The following CILK1 variants were observed in gnomAD, a reference collection of about 807,000 sequenced individuals.
CILK1 encodes the protein ciliogenesis associated kinase 1.
In CILK1, 47 loss-of-function variants were observed where a neutral mutation model predicts 79.2. That is an observed-to-expected ratio of 0.59 (90% CI 0.47 to 0.76). The LOEUF (loss-of-function observed/expected upper bound fraction) is 0.76. Ranked by LOEUF, CILK1 falls within the 30% of genes least tolerant of loss-of-function variation. The probability of loss-of-function intolerance (pLI) is 0.00; values close to 1 mark genes in which losing one functional copy is unlikely to be tolerated. For missense variants in CILK1, 660 were observed against 769.5 expected, an observed-to-expected ratio of 0.86 and a Z score of 1.68; for synonymous variants, 266 against 275.9, an observed-to-expected ratio of 0.96 and a Z score of 0.36.
chr6:53,027,886 G>A (rs927808842), intron 5 of CILK1, among the ~76,000 whole-genome samples: 3 of 152,184 alleles, frequency 2.0e-5, no homozygotes, highest in Admixed American at 6.5e-5. Context: ...AGTGGCTCAT[G>A]CCTGTAATCC....
intron 1 of CILK1, among the ~76,000 whole-genome samples, chr6:53,044,811 C>A (rs222451): frequency 6.6e-6 from 1 of 152,074 alleles, no homozygotes; most frequent in South Asian, 2.1e-4. Context: ...TAGCAAATGA[C>A]GACACAGGAA....
In CILK1 at chr6:53,003,888, T is replaced by A. The variant is rs887860859; in HGVS notation, c.*1261A>T. On this transcript the variant is annotated 3_prime_UTR_variant, in exon 14 of 14. Coordinates refer to ENST00000676107, the MANE Select transcript of CILK1 (RefSeq NM_014920.5). ...TTCCCTCTTGCCTTTAAGGCAACCA[T>A]AAGTGAGGCAAATGTACCATATAGA... 6 of 152,634 alleles carry A rather than the reference T, an allele frequency of 3.9e-5. No homozygotes were observed. The highest frequency in any genetic ancestry group is 1.4e-4 in the African/African-American group (6 of 41,444). The allele number at this position is 152,634 out of a possible 1,614,324, so 9.5% of individuals were successfully genotyped here. A position where few individuals can be genotyped will look rare whatever the true frequency, so the allele number is the denominator to read the frequency against.
rs763926746 is a variant in CILK1, at chr6:53,019,359, C to G, written c.359G>C (p.Gly120Ala). The change falls in exon 6 of 14, where the codon GGC becomes GCC. Residue 120 changes from glycine (G) to alanine (A), a missense_variant and splice_region_variant. Coordinates refer to ENST00000676107, the MANE Select transcript of CILK1 (RefSeq NM_014920.5). Reference protein sequence around the residue: ...LQGLAFIHKHGFFHRDLKPEN... With the variant: ...LQGLAFIHKHAFFHRDLKPEN... ...AGGCTTTAAGTCTCGATGAAAGAAG[C>G]CTATAGAGACAGTAGAGGAGAAGAA... The G allele has an allele frequency of 1.2e-6, 2 of 1,613,948 alleles. No individual in the cohort carries two copies. Among genetic ancestry groups the G allele is most frequent in the Middle Eastern group, 1.6e-4 (1 of 6,062 alleles).
Position 53,002,725 on chromosome 6 carries a change from T to C in CILK1, c.*2424A>G, listed in dbSNP as rs1764000012. 1 of 152,290 alleles carries C rather than the reference T, an allele frequency of 6.6e-6. No individual in the cohort carries two copies. Among genetic ancestry groups the C allele is most frequent in the African/African-American group, 2.4e-5 (1 of 41,566 alleles). The allele number at this position is 152,290 out of a possible 1,614,324, so 9.4% of individuals were successfully genotyped here. ...TTTTTTTTATGAATATGTGTTTGGCTTCCCCAGGGAAGTTGCTTGCTGGTA... is the reference window on the plus strand; with the variant it reads ...TTTTTTTTATGAATATGTGTTTGGCCTCCCCAGGGAAGTTGCTTGCTGGTA... On this transcript the variant is annotated 3_prime_UTR_variant, in exon 14 of 14. Coordinates refer to ENST00000676107, the MANE Select transcript of CILK1 (RefSeq NM_014920.5).
intron 1 of CILK1, chr6:53,051,846 G>C (rs1344365825): frequency 2.6e-5 from 4 of 152,210 alleles, no homozygotes; most frequent in Non-Finnish European, 5.9e-5. Flanking sequence ...AAAGTTGGGT[G>C]TTTTAGAAAT....
rs1218121156 is a variant in CILK1, at chr6:53,016,250, T to C, written c.664A>G (p.Thr222Ala). 1 of 1,613,992 alleles carries C rather than the reference T, an allele frequency of 6.2e-7. No individual in the cohort carries two copies. Among genetic ancestry groups the C allele is most frequent in the African/African-American group, 1.3e-5 (1 of 75,040 alleles). Residue 222 changes from threonine to alanine, a missense_variant and splice_region_variant, in exon 8 of 14, where the codon ACT becomes GCT. Thr to Ala is a moderately conservative substitution (Grantham distance 58). Coordinates refer to ENST00000676107, the MANE Select transcript of CILK1 (RefSeq NM_014920.5). Reference sequence around the variant, plus strand: ...AGTTGATAGCCTTCAGGCCAGTCAGTCTGAAAGAAGGAAAAGATAGAAAAT... The same window carrying C: ...AGTTGATAGCCTTCAGGCCAGTCAGCCTGAAAGAAGGAAAAGATAGAAAAT... ...ICQVLGTPKK[T>A]DWPEGYQLSS...
At chr6:53,026,597 A>C (rs535965801) in intron 5 of CILK1, among the ~76,000 whole-genome samples, 1 of 152,310 alleles carries the variant, frequency 6.6e-6, no homozygotes, top group Non-Finnish European at 1.5e-5. Flanking sequence ...TGCTAATAAG[A>C]ATTACATCTG....
At chr6:53,039,638 G>A (rs1001731613) in intron 2 of CILK1, among the ~76,000 whole-genome samples, 2 of 152,222 alleles carry the variant, frequency 1.3e-5, no homozygotes, top group African/African-American at 4.8e-5. Flanking sequence ...CACTTGGGAT[G>A]GGGTGCTGGC....
At chr6:53,038,629 T>G (rs1156523463) in intron 2 of CILK1, among the ~76,000 whole-genome samples, 2 of 152,324 alleles carry the variant, frequency 1.3e-5, no homozygotes, top group South Asian at 2.1e-4. Context: ...AAAAGAAGAA[T>G]AATATTTCAC....
intron 1 of CILK1, among the ~76,000 whole-genome samples, chr6:53,042,645 A>T (rs1450160359): frequency 1.3e-5 from 2 of 152,232 alleles, no homozygotes; most frequent in Non-Finnish European, 2.9e-5. Flanking sequence ...TATATAATTC[A>T]GTCTGCCTAT....
At position 53,011,805 on chromosome 6, in the gene CILK1, T is replaced by G; in HGVS notation, c.1456A>C (p.Lys486Gln). 2 of 1,614,170 alleles carry G rather than the reference T, an allele frequency of 1.2e-6. No homozygotes were observed. Reference sequence around the variant, plus strand: ...CGAGAGTGCTTCAAATAGTGCTGCTTGGCTGCAGATCTCAGGGTGGGCGTG... The same window carrying G: ...CGAGAGTGCTTCAAATAGTGCTGCTGGGCTGCAGATCTCAGGGTGGGCGTG... ...RDTPTLRSAA[K>Q]QHYLKHSRYL... is the part of the protein sequence containing the mutation. Residue 486 changes from lysine to glutamine, a missense_variant, in exon 11 of 14, where the codon AAG becomes CAG. By Grantham distance (53) the Lys-to-Gln change is moderately conservative. Transcript: ENST00000676107.
chr6:53,053,828 G>T (rs1172640075), intron 1 of CILK1, among the ~76,000 whole-genome samples: 6 of 152,154 alleles, frequency 3.9e-5, no homozygotes, highest in Admixed American at 3.9e-4. Flanking sequence ...TGAGGGACTG[G>T]TTCCAGTTTC....
At chr6:53,011,986 T>A (rs1045626536) in intron 10 of CILK1, 51 bp downstream of exon 10, 2 of 1,613,660 alleles carry the variant, frequency 1.2e-6, no homozygotes, top group African/African-American at 1.3e-5. Flanking sequence ...GTACCCATAA[T>A]CTCATGAATT....
At position 53,016,346 on chromosome 6, in the gene CILK1, G is replaced by A. The variant is rs77963044; in HGVS notation, c.664-96C>T. 5.9e-5 allele frequency: 70 copies of A among 1,183,970 alleles called. No individual in the cohort carries two copies. The East Asian group carries it at 1.7e-3, about 28-fold the overall frequency. The allele number at this position is 1,183,970 out of a possible 1,614,324, so 73.3% of individuals were successfully genotyped here. A position where few individuals can be genotyped will look rare whatever the true frequency, so the allele number is the denominator to read the frequency against. On this transcript the variant is annotated intron_variant, in intron 7 of 13. Transcript: ENST00000676107. ...GTGCCCCAAATGGAAAGGCAACCAT[G>A]TCATTACCCACCCACATTCATTAAC...
At chr6:53,009,611 A>C in intron 11 of CILK1, 44 bp from the exon 12 acceptor site, 1 of 1,475,210 alleles carries the variant, frequency 6.8e-7, no homozygotes, top group Non-Finnish European at 9.5e-7. Context: ...TACACAATGA[A>C]TCTTACACTA....
chr6:53,024,269 G>T (rs1765430003), intron 5 of CILK1, among the ~76,000 whole-genome samples: 1 of 152,056 alleles, frequency 6.6e-6, no homozygotes, highest in Non-Finnish European at 1.5e-5. Flanking sequence ...TTATACATAA[G>T]AACCAAACTT....
intron 9 of CILK1, among the ~76,000 whole-genome samples, chr6:53,012,476 AG>A (rs1483021816): frequency 6.6e-6 from 1 of 152,222 alleles, no homozygotes; most frequent in Non-Finnish European, 1.5e-5. Flanking sequence ...AAAATTTTTA[AG>A]ATACTTCTTA....
rs1480195121 is a variant in CILK1, at chr6:53,011,831, T to A, written c.1430A>T (p.Asp477Val). ...APTQTSYQRR[D>V]TPTLRSAAKQ... ...GGCTGCAGATCTCAGGGTGGGCGTG[T>A]CTCGCCGCTGATATGACGTCTGGGT... Residue 477 changes from aspartate to valine, a missense_variant, in exon 11 of 14, where the codon GAC becomes GTC. By Grantham distance (152) the Asp-to-Val change is radical. Transcript: ENST00000676107. 4 of 1,614,186 alleles carry A rather than the reference T, an allele frequency of 2.5e-6. No individual in the cohort carries two copies. Among genetic ancestry groups the A allele is most frequent in the African/African-American group, 1.3e-5 (1 of 75,054 alleles).
At chr6:53,015,555 C>G (rs1231187495) in intron 8 of CILK1, among the ~76,000 whole-genome samples, 3 of 152,178 alleles carry the variant, frequency 2.0e-5, no homozygotes, top group Admixed American at 6.5e-5. Flanking sequence ...TAATGCCTGT[C>G]TCATGGAGTC....
Sources: allele counts gnomAD v4.1 joint callset (sites outside exome capture counted in the v4.1 genomes callset), GRCh38; gene constraint gnomAD v4.1.1; transcripts MANE v1.5; gene names NCBI Gene and HGNC (gene_info 2026-07-23, HGNC 2026-07-21).